Variants in PNKD observed in about 807,000 individuals in gnomAD.
The protein encoded by PNKD is probable thioesterase PNKD.
PNKD carries 36 observed loss-of-function variants against 45.3 expected under a neutral mutation model. The observed-to-expected ratio is 0.80, with a 90% confidence interval of 0.61 to 1.05. The LOEUF (loss-of-function observed/expected upper bound fraction) is 1.05, where lower values mean the gene tolerates loss of function less well. Ranked by LOEUF, PNKD falls within the 50% of genes least tolerant of loss-of-function variation. The pLI, the probability that PNKD is intolerant of heterozygous loss-of-function variation, is 0.00. For missense variants in PNKD, 511 were observed against 506.6 expected (o/e 1.01, Z -0.08); for synonymous variants, 197 against 210.1 (o/e 0.94, Z 0.54).
At chr2:218,285,903 C>T (rs1692466968) in intron 2 of PNKD, 1 of 153,888 alleles carries the variant, frequency 6.5e-6, no homozygotes, top group African/African-American at 2.4e-5. Context: ...ATCAGCAAGG[C>T]CTCCACTAGG....
chr2:218,303,529 C>T (rs1183812776), intron 2 of PNKD, among the ~76,000 whole-genome samples: 1 of 151,062 alleles, frequency 6.6e-6, no homozygotes, highest in East Asian at 1.9e-4. Context: ...CAGCCCCCAC[C>T]CTGAGGTGTC....
intron 2 of PNKD, among the ~76,000 whole-genome samples, chr2:218,300,423 C>T (rs1693244233): frequency 6.6e-6 from 1 of 152,198 alleles, no homozygotes; most frequent in African/African-American, 2.4e-5. Context: ...TATATCACCA[C>T]TTGGATGTCT....
intron 2 of PNKD, chr2:218,278,129 G>A: frequency 1.3e-6 from 1 of 775,824 alleles, no homozygotes; most frequent in Non-Finnish European, 2.1e-6. Context: ...CTGTTCAGGT[G>A]TGGTACGCAG....
At position 218,314,285 on chromosome 2, in the gene PNKD, G is replaced by A. The variant is rs144310765; in HGVS notation, c.237-25498G>A. 2.6e-3 allele frequency among the ~76,000 whole-genome samples: 331 copies of A among 129,250 alleles called. 4 individuals carry two copies. Among genetic ancestry groups the A allele is most frequent in the African/African-American group, 9.3e-3 (308 of 33,262 alleles). The allele number at this position is 129,250 out of a possible 152,430, so 84.8% of individuals were successfully genotyped here. On this transcript the variant is annotated intron_variant, in intron 2 of 9. Coordinates refer to ENST00000273077, the MANE Select transcript of PNKD (RefSeq NM_015488.5). ...CTCCCAGGCTGGAGTGCAGTGACAT[G>A]ATCACAGTTTACTGCAGCCTTTACC...
intron 2 of PNKD, among the ~76,000 whole-genome samples, chr2:218,301,672 A>G (rs1693278600): frequency 6.6e-6 from 1 of 152,174 alleles, no homozygotes; most frequent in Non-Finnish European, 1.5e-5. Context: ...CTGTAGTCCC[A>G]GCTACTTGGA....
chr2:218,289,130 G>A (rs1427244086), intron 2 of PNKD, among the ~76,000 whole-genome samples: 1 of 152,230 alleles, frequency 6.6e-6, no homozygotes, highest in Non-Finnish European at 1.5e-5. Context: ...GCACCAGGGT[G>A]GGGCCAAGGC....
At chr2:218,323,076 G>C (rs1459471483) in intron 2 of PNKD, 3 of 930,644 alleles carry the variant, frequency 3.2e-6, no homozygotes, top group Non-Finnish European at 4.3e-6. Context: ...CCCCCAAGCC[G>C]GGTGGCCTTC....
chr2:218,341,506 C>A (rs762912867), intron 5 of PNKD, 28 bp from the exon 6 acceptor site: 1 of 1,488,122 alleles, frequency 6.7e-7, no homozygotes, highest in East Asian at 2.4e-5. Flanking sequence ...CCCCTCGAAG[C>A]CCCCTGCCTG....
At chr2:218,330,348 T>C (rs565280332) in intron 2 of PNKD, among the ~76,000 whole-genome samples, 4 of 152,268 alleles carry the variant, frequency 2.6e-5, no homozygotes, top group Non-Finnish European at 4.4e-5. Flanking sequence ...TCATTGTGTG[T>C]TTTCCACTGT....
At position 218,297,720 on chromosome 2, in the gene PNKD, G is replaced by T. The variant is rs528713155; in HGVS notation, c.236+26171G>T. Among the ~76,000 whole-genome samples the T allele has an allele frequency of 3.9e-5, 5 of 129,530 alleles. No homozygotes were observed. The South Asian group carries it at 1.3e-3, about 33-fold the overall frequency. The allele number at this position is 129,530 out of a possible 152,430, so 85.0% of individuals were successfully genotyped here. On this transcript the variant is annotated intron_variant, in intron 2 of 9. Coordinates refer to ENST00000273077, the MANE Select transcript of PNKD (RefSeq NM_015488.5). The stretch of plus-strand genomic sequence containing the variant: ...AAAAAAAAAAAAAGAGAGAAGAAAA[G>T]AAATCACAGTGGCTCACGCTTGTAA...
intron 2 of PNKD, chr2:218,285,934 T>C (rs199741573): frequency 1.3e-5 from 2 of 154,610 alleles, no homozygotes; most frequent in Middle Eastern, 6.3e-4. Flanking sequence ...GGGGCTGGCA[T>C]CTGCCTAGGT....
intron 2 of PNKD, among the ~76,000 whole-genome samples, chr2:218,299,288 C>A (rs1693214978): frequency 2.0e-5 from 3 of 152,110 alleles, no homozygotes; most frequent in Non-Finnish European, 2.9e-5. Context: ...ATTACAGGCA[C>A]CCGCCACCAG....
chr2:218,270,572 C>CA lies in PNKD; in HGVS notation c.37_38insA (p.Arg13GlnfsTer19). ...GGTAGCTGCTACGGCGCTGAAGGGCCGGGGGGCGAGAAATGCCCGCGTCCT... is the reference window on the plus strand; with the variant it reads ...GGTAGCTGCTACGGCGCTGAAGGGCCAGGGGGGCGAGAAATGCCCGCGTCCT... On this transcript the variant is annotated frameshift_variant, in exon 1 of 10. Transcript: ENST00000273077. LOFTEE classifies it high-confidence loss of function. 1 of 1,193,748 alleles carries CA rather than the reference C, an allele frequency of 8.4e-7. No homozygotes were observed. The highest frequency in any genetic ancestry group is 1.1e-6 in the Non-Finnish European group (1 of 925,116). The allele number at this position is 1,193,748 out of a possible 1,614,324, so 73.9% of individuals were successfully genotyped here.
rs1012798151 is a variant in PNKD at position 218,292,591 on chromosome 2, TCAGGGCGCCGC to T, written c.236+21048_236+21058del. The T allele has an allele frequency of 3.9e-5, 6 of 151,970 alleles. No homozygotes were observed. In the East Asian group the frequency reaches 5.8e-4, roughly 15 times the overall value. 9.4% of individuals were successfully genotyped at this position (151,970 alleles called of 1,614,324 possible). Reference sequence around the variant, plus strand: ...CGCGCCGGCCTCGTGGGGCGGGGCCTCAGGGCGCCGCCAGGGGGCGCAGGGGTCTGTCCCGG... The same window carrying T: ...CGCGCCGGCCTCGTGGGGCGGGGCCTCAGGGGGCGCAGGGGTCTGTCCCGG... On this transcript the variant is annotated intron_variant, in intron 2 of 9. Coordinates refer to ENST00000273077, the MANE Select transcript of PNKD (RefSeq NM_015488.5).
rs1694639487 is a variant in PNKD at position 218,340,440 on chromosome 2, C to T, written c.466-288C>T. Among the ~76,000 whole-genome samples, 1 of 151,908 alleles carries T rather than the reference C, an allele frequency of 6.6e-6. No homozygotes were observed. The highest frequency in any genetic ancestry group is 1.5e-5 in the Non-Finnish European group (1 of 67,974). ...CACTCCCATTGGCCCCCTTCAGACCCCCTTTCTTTCTGTCACCTCTGTCTG... is the reference window on the plus strand; with the variant it reads ...CACTCCCATTGGCCCCCTTCAGACCTCCTTTCTTTCTGTCACCTCTGTCTG... On this transcript the variant is annotated intron_variant, in intron 4 of 9. Transcript: ENST00000273077. This position sits in a 1 kb window ranked among gnomAD's most constrained non-coding sequence, Gnocchi z 4.2.
intron 2 of PNKD, among the ~76,000 whole-genome samples, chr2:218,300,517 TGA>T (rs1302362685): frequency 6.6e-6 from 1 of 151,560 alleles, no homozygotes; most frequent in Non-Finnish European, 1.5e-5. Context: ...TTCAGTAGGT[TGA>T]GAGTCTACAT....
intron 2 of PNKD, chr2:218,278,699 C>T (rs1436212424): frequency 3.3e-5 from 32 of 955,690 alleles, no homozygotes; most frequent in Non-Finnish European, 4.9e-5. Flanking sequence ...GAAGCAAGAA[C>T]GAGATTACCC....
At chr2:218,272,708 G>A in intron 2 of PNKD, 2 of 1,614,192 alleles carry the variant, frequency 1.2e-6, no homozygotes, top group Non-Finnish European at 1.7e-6. Context: ...AGAGGTTCAG[G>A]GCTTCCTCCC....
At chr2:218,272,558 C>A (rs374336773) in intron 2 of PNKD, 20 of 1,613,130 alleles carry the variant, frequency 1.2e-5, no homozygotes, top group Non-Finnish European at 1.7e-5. Flanking sequence ...GTGCACATCT[C>A]CCCACCCGTA....
Sources: allele counts gnomAD v4.1 joint callset (sites outside exome capture counted in the v4.1 genomes callset), GRCh38; gene constraint gnomAD v4.1.1; non-coding constraint Gnocchi (gnomAD v3.1); transcripts MANE v1.5; gene names NCBI Gene and HGNC (gene_info 2026-07-23, HGNC 2026-07-21).